The following USH2A variants were observed in gnomAD, a reference collection of about 807,000 sequenced individuals.
USH2A encodes usherin.
USH2A carries 443 observed loss-of-function variants against 538.9 expected under a neutral mutation model. The ratio of observed to expected loss-of-function variants is 0.82; its 90% CI spans 0.76 to 0.89. The LOEUF is 0.89. USH2A is among the 40% of genes least tolerant of loss of function. The pLI, the probability that USH2A is intolerant of heterozygous loss-of-function variation, is 0.00. For missense variants in USH2A, 6,633 were observed against 6,324.8 expected, an observed-to-expected ratio of 1.05 and a Z score of -1.65; for synonymous variants, 2,413 against 2,273.5, an observed-to-expected ratio of 1.06 and a Z score of -1.75.
chr1:215,645,065 A>C (rs185344475), intron 67 of USH2A, among the ~76,000 whole-genome samples: 8 of 152,338 alleles, frequency 5.3e-5, no homozygotes, highest in Admixed American at 4.6e-4. Context: ...GGGTATATGC[A>C]GGTAGCTTTG....
chr1:216,070,007 C>T lies in USH2A; in HGVS notation c.6049+94G>A, dbSNP rs574983349. On this transcript the variant is annotated intron_variant, in intron 30 of 71. Transcript: ENST00000307340. ...AGGTAAAATACATGTATATTTAATACATTTTTCTAAAAAACATTTGCAGAA... is the reference window on the plus strand; with the variant it reads ...AGGTAAAATACATGTATATTTAATATATTTTTCTAAAAAACATTTGCAGAA... 6.0e-5 allele frequency: 86 copies of T among 1,428,666 alleles called. No homozygotes were observed. The East Asian group carries it at 2.0e-3, about 34-fold the overall frequency. The allele number at this position is 1,428,666 out of a possible 1,614,324, so 88.5% of individuals were successfully genotyped here.
chr1:215,964,029 C>T (rs893139250), intron 37 of USH2A, among the ~76,000 whole-genome samples: 2 of 152,112 alleles, frequency 1.3e-5, no homozygotes, highest in African/African-American at 4.8e-5. Context: ...CGCAGCTTTG[C>T]AACATTTAAT....
chr1:216,113,891 G>C (rs959435700), intron 21 of USH2A, among the ~76,000 whole-genome samples: 1 of 151,416 alleles, frequency 6.6e-6, no homozygotes, highest in Non-Finnish European at 1.5e-5. Flanking sequence ...AAAAAATAAA[G>C]TATTAAATAT....
At chr1:216,406,090 C>T (rs1370235270) in intron 3 of USH2A, among the ~76,000 whole-genome samples, 2 of 152,010 alleles carry the variant, frequency 1.3e-5, no homozygotes, top group East Asian at 3.9e-4. Flanking sequence ...CTTGAGGTGT[C>T]CTTGTAGGGA....
intron 71 of USH2A, among the ~76,000 whole-genome samples, chr1:215,628,383 A>G (rs948487969): frequency 3.9e-5 from 6 of 152,050 alleles, no homozygotes; most frequent in Non-Finnish European, 5.9e-5. Context: ...CCTGGGTTCA[A>G]GCAATTCTCC....
chr1:216,063,911 T>A (rs1457185979), intron 30 of USH2A, among the ~76,000 whole-genome samples: 1 of 152,220 alleles, frequency 6.6e-6, no homozygotes, highest in East Asian at 1.9e-4. Flanking sequence ...ATATTAAACA[T>A]TGAAATGAAT....
intron 3 of USH2A, among the ~76,000 whole-genome samples, chr1:216,415,916 T>A (rs11117572): frequency 0.75 from 113,540 of 151,928 alleles, 42,572 homozygotes; most frequent in East Asian, 0.84. Flanking sequence ...TGTAATACCA[T>A]CACTTTGGGA....
intron 61 of USH2A, among the ~76,000 whole-genome samples, chr1:215,684,299 A>C (rs1658338970): frequency 6.6e-6 from 1 of 152,126 alleles, no homozygotes; most frequent in South Asian, 2.1e-4. Context: ...ACAATTTTAC[A>C]CCATCTCCTC....
intron 69 of USH2A, among the ~76,000 whole-genome samples, chr1:215,635,703 G>A (rs1198643571): frequency 6.6e-6 from 1 of 151,884 alleles, no homozygotes; most frequent in African/African-American, 2.4e-5. Context: ...TTACAGGTGT[G>A]CGCCACTATG....
chr1:215,853,343 A>C (rs1253219932), intron 44 of USH2A, among the ~76,000 whole-genome samples: 1 of 152,122 alleles, frequency 6.6e-6, no homozygotes, highest in East Asian at 1.9e-4. Flanking sequence ...TAGGCTGCAC[A>C]CAGCATGGGA....
intron 3 of USH2A, among the ~76,000 whole-genome samples, chr1:216,401,946 T>C (rs2039312652): frequency 6.6e-6 from 1 of 152,130 alleles, no homozygotes; most frequent in Non-Finnish European, 1.5e-5. Context: ...ACAAAGTAGA[T>C]GTACTTAGTT....
intron 35 of USH2A, 33 bp downstream of exon 35, chr1:215,992,987 C>G: frequency 1.9e-6 from 3 of 1,613,892 alleles, no homozygotes; most frequent in East Asian, 4.5e-5. Context: ...TGCTAATCAT[C>G]TTTTTAACTT....
intron 41 of USH2A, among the ~76,000 whole-genome samples, chr1:215,880,484 G>A (rs1299057536): frequency 1.3e-5 from 2 of 152,114 alleles, no homozygotes; most frequent in Non-Finnish European, 2.9e-5. Context: ...AGAGAGGCTG[G>A]GATGAAGAGA....
At chr1:216,245,658 C>T (rs2036025819) in intron 13 of USH2A, among the ~76,000 whole-genome samples, 1 of 152,026 alleles carries the variant, frequency 6.6e-6, no homozygotes, top group Non-Finnish European at 1.5e-5. Context: ...TTTTTTAATA[C>T]TTACATCACA....
intron 9 of USH2A, among the ~76,000 whole-genome samples, chr1:216,304,990 C>A (rs896447304): frequency 4.0e-5 from 6 of 151,820 alleles, no homozygotes; most frequent in Non-Finnish European, 7.4e-5. Flanking sequence ...GTATATTCTG[C>A]AGTTGTTGGG....
intron 37 of USH2A, among the ~76,000 whole-genome samples, chr1:215,944,178 T>G (rs748384952): frequency 1.3e-5 from 2 of 152,144 alleles, no homozygotes; most frequent in South Asian, 4.1e-4. Flanking sequence ...CTGCCTATTT[T>G]TGTAAATAAA....
chr1:215,873,005 T>C (rs1267049034), intron 43 of USH2A, among the ~76,000 whole-genome samples: 1 of 152,110 alleles, frequency 6.6e-6, no homozygotes, highest in Non-Finnish European at 1.5e-5. Context: ...AAGTAAACTT[T>C]TCTTTATAAA....
At position 215,856,131 on chromosome 1, in the gene USH2A, G is replaced by C. The variant is rs574577414; in HGVS notation, c.8846-10098C>G. ...CCTTCTAGACATTAGTTTAGGCAAAGACTTTGTGACAAAGAACCTAAAAGC... is the reference window on the plus strand; with the variant it reads ...CCTTCTAGACATTAGTTTAGGCAAACACTTTGTGACAAAGAACCTAAAAGC... On this transcript the variant is annotated intron_variant, in intron 44 of 71. Transcript: ENST00000307340. Among the ~76,000 whole-genome samples the C allele has an allele frequency of 3.9e-5, 6 of 152,254 alleles. No homozygotes were observed. The East Asian group carries it at 1.2e-3, about 29-fold the overall frequency.
intron 14 of USH2A, among the ~76,000 whole-genome samples, chr1:216,229,530 G>A (rs926968005): frequency 6.6e-6 from 1 of 152,038 alleles, no homozygotes; most frequent in Non-Finnish European, 1.5e-5. Context: ...GCCCAGGCTG[G>A]TCTTAAACTC....
Sources: allele counts gnomAD v4.1 joint callset (sites outside exome capture counted in the v4.1 genomes callset), GRCh38; gene constraint gnomAD v4.1.1; transcripts MANE v1.5; gene names NCBI Gene and HGNC (gene_info 2026-07-23, HGNC 2026-07-21).